The following SLC28A3 variants were observed in gnomAD, a reference collection of about 807,000 sequenced individuals.
SLC28A3 encodes the protein solute carrier family 28 member 3.
SLC28A3 carries 68 observed loss-of-function variants against 84.2 expected under a neutral mutation model. The ratio of observed to expected loss-of-function variants is 0.81; its 90% confidence interval spans 0.66 to 0.99. The LOEUF (loss-of-function observed/expected upper bound fraction) is 0.99. Among genes scored for constraint, SLC28A3 ranks in the 50% least tolerant of loss-of-function variants. The pLI is 0.00. For synonymous variants in SLC28A3, 267 were observed against 303.6 expected, an observed-to-expected ratio of 0.88 and a Z score of 1.25; for missense variants, 712 against 841.5, an observed-to-expected ratio of 0.85 and a Z score of 1.90.
intron 1 of SLC28A3, among the ~76,000 whole-genome samples, chr9:84,336,132 A>G: frequency 6.6e-6 from 1 of 152,096 alleles, no homozygotes; most frequent in East Asian, 1.9e-4. Context: ...TGGAAGGCTG[A>G]AGCAGGCAGA....
rs113713520 is a variant in SLC28A3 at position 84,328,299 on chromosome 9, T to A, written c.60+12275A>T. ...AGGCAGAGATTTGAAGAACGGATTT[T>A]AAAAACCCATGATCTGAAAATAAAA... On this transcript the variant is annotated intron_variant, in intron 1 of 17. Transcript: ENST00000376238. Among the ~76,000 whole-genome samples, 425 of 149,558 alleles carry A rather than the reference T, an allele frequency of 2.8e-3. 3 individuals are homozygous for A. The highest frequency in any genetic ancestry group is 9.9e-3 in the African/African-American group (401 of 40,644).
At chr9:84,317,947 T>C (rs1826230010) in intron 1 of SLC28A3, among the ~76,000 whole-genome samples, 1 of 152,226 alleles carries the variant, frequency 6.6e-6, no homozygotes, top group South Asian at 2.1e-4. Context: ...ATACCCCACT[T>C]CAACTCTTTT....
Position 84,298,023 on chromosome 9 carries a change from T to G in SLC28A3, c.670-4A>C. Reference sequence around the variant, plus strand: ...ATAAGACAGGTCTCCAGTAAACCTATACAGAAAGATCAAGTGATATGTCTT... The same window carrying G: ...ATAAGACAGGTCTCCAGTAAACCTAGACAGAAAGATCAAGTGATATGTCTT... On this transcript the variant is annotated splice_region_variant and splice_polypyrimidine_tract_variant and intron_variant, in intron 6 of 17. Coordinates refer to ENST00000376238, the MANE Select transcript of SLC28A3 (RefSeq NM_001199633.2). 6.2e-7 allele frequency: 1 copy of G among 1,604,016 alleles called. No homozygotes were observed. The highest frequency in any genetic ancestry group is 1.1e-5 in the South Asian group (1 of 88,976).
At chr9:84,304,891 G>T (rs1014707554) in intron 4 of SLC28A3, among the ~76,000 whole-genome samples, 6 of 152,114 alleles carry the variant, frequency 3.9e-5, no homozygotes, top group Non-Finnish European at 8.8e-5. Context: ...GTGTGGTGAC[G>T]TGTGCCTGTA....
chr9:84,315,180 G>A lies in SLC28A3; in HGVS notation c.61-1726C>T, dbSNP rs74305425. Among the ~76,000 whole-genome samples the A allele has an allele frequency of 6.4e-4, 97 of 152,304 alleles. 2 individuals are homozygous for A. The East Asian group carries it at 0.015, about 24-fold the overall frequency. The stretch of plus-strand genomic sequence containing the variant: ...TGAAGTTGGCTGACAGGTACCCGGA[G>A]AATCATTTTATTATTCTCCTACTTT... On this transcript the variant is annotated intron_variant, in intron 1 of 17. Coordinates refer to ENST00000376238, the MANE Select transcript of SLC28A3 (RefSeq NM_001199633.2).
At chr9:84,359,490 C>G in the SLC28A3 span, among the ~76,000 whole-genome samples, 2 of 152,160 alleles carry the variant, frequency 1.3e-5, no homozygotes, top group African/African-American at 4.8e-5. Flanking sequence ...TCTGTAAGAA[C>G]TGACACAAAA....
the SLC28A3 span, among the ~76,000 whole-genome samples, chr9:84,364,375 C>T: frequency 2.6e-5 from 4 of 152,112 alleles, no homozygotes; most frequent in Admixed American, 6.6e-5. Context: ...GGATTACAGG[C>T]ATGAGTCACC....
chr9:84,282,895 AG>A (rs1397674097), intron 14 of SLC28A3, among the ~76,000 whole-genome samples: 1 of 152,204 alleles, frequency 6.6e-6, no homozygotes, highest in Non-Finnish European at 1.5e-5. Context: ...ATGGTTTCTG[AG>A]AACTCTCCTT....
chr9:84,319,949 C>T (rs1461200367), intron 1 of SLC28A3, among the ~76,000 whole-genome samples: 2 of 151,788 alleles, frequency 1.3e-5, no homozygotes, highest in African/African-American at 4.9e-5. Context: ...TTTTATTGCC[C>T]TGCAGCCAAA....
chr9:84,313,361 G>C lies in SLC28A3; in HGVS notation c.154C>G (p.Gln52Glu). The C allele has an allele frequency of 6.2e-7, 1 of 1,613,950 alleles. No individual in the cohort carries two copies. The highest frequency in any genetic ancestry group is 8.5e-7 in the Non-Finnish European group (1 of 1,179,900). The change falls in exon 2 of 18, where the codon CAG becomes GAG. Residue 52 changes from glutamine (Q) to glutamate (E), a missense_variant and splice_region_variant. By Grantham distance (29) the Gln-to-Glu change is conservative. Transcript: ENST00000376238. ...VQSREHTNTKQDEEQVTVEQD... is the reference protein window; with the variant it reads ...VQSREHTNTKEDEEQVTVEQD... ...CATGCACCACAGTCTTGCTGTACCT[G>C]TTTGGTGTTTGTGTGCTCCCTGCTT...
At chr9:84,346,310 A>G in the SLC28A3 span, among the ~76,000 whole-genome samples, 41 of 110,052 alleles carry the variant, frequency 3.7e-4, no homozygotes, top group African/African-American at 1.4e-3. Context: ...AGGAAAAATA[A>G]GTAATTACAT....
Position 84,292,655 on chromosome 9 carries a change from T to A in SLC28A3, c.1023+13A>T. 6.3e-7 allele frequency: 1 copy of A among 1,595,554 alleles called. No individual in the cohort carries two copies. The highest frequency in any genetic ancestry group is 8.6e-7 in the Non-Finnish European group (1 of 1,167,328). ...TTCAACAGATGTTTTGTTCTGTTGA[T>A]ATTACAACTTACTTGTCCAACAAAT... On this transcript the variant is annotated intron_variant, in intron 10 of 17. Coordinates refer to ENST00000376238, the MANE Select transcript of SLC28A3 (RefSeq NM_001199633.2).
At chr9:84,353,062 T>TC in the SLC28A3 span, among the ~76,000 whole-genome samples, 2 of 152,110 alleles carry the variant, frequency 1.3e-5, no homozygotes, top group African/African-American at 4.8e-5. Flanking sequence ...CATTATCAGG[T>TC]CAAGCCATTG....
At chr9:84,312,017 T>C (rs1479885453) in intron 2 of SLC28A3, among the ~76,000 whole-genome samples, 1 of 152,252 alleles carries the variant, frequency 6.6e-6, no homozygotes, top group African/African-American at 2.4e-5. Context: ...CCCAGTAATG[T>C]ACATTTAAGG....
rs1564142972 is a variant in SLC28A3, at chr9:84,280,058, G to A, written c.1745C>T (p.Ser582Phe). ...VIGGLTSMAPSRKRDIASGAV... is the reference protein window; with the variant it reads ...VIGGLTSMAPFRKRDIASGAV... ...CCCCGAGGCGATATCACGCTTTCTG[G>A]AAGGAGCCATGGATGCTGGGAAACA... Residue 582 changes from serine to phenylalanine, a missense_variant, in exon 16 of 18, where the codon TCC becomes TTC. Transcript: ENST00000376238. 2 of 1,613,858 alleles carry A rather than the reference G, an allele frequency of 1.2e-6. No individual in the cohort carries two copies. Among genetic ancestry groups the A allele is most frequent in the Non-Finnish European group, 1.7e-6 (2 of 1,179,948 alleles).
intron 14 of SLC28A3, among the ~76,000 whole-genome samples, chr9:84,284,646 G>GA (rs1181048167): frequency 6.6e-6 from 1 of 152,210 alleles, no homozygotes; most frequent in Non-Finnish European, 1.5e-5. Flanking sequence ...CTCCAGGGAA[G>GA]AAAGTTGCAA....
chr9:84,288,178 C>G lies in SLC28A3; in HGVS notation c.1150G>C (p.Val384Leu). Residue 384 changes from valine to leucine, a missense_variant and splice_region_variant, in exon 12 of 18, where the codon GTT becomes CTT. Physicochemically the swap from Val to Leu is conservative, Grantham distance 32. Transcript: ENST00000376238. ...SVLGAYISFG[V>L]PSSHLLTASV... ...GCTGTTAACAAGTGGGAGGATGGAA[C>G]CTGCAATTTCAGAAGAAAGAAGGCA... 1 of 1,613,862 alleles carries G rather than the reference C, an allele frequency of 6.2e-7. No individual in the cohort carries two copies. Among genetic ancestry groups the G allele is most frequent in the Non-Finnish European group, 8.5e-7 (1 of 1,179,850 alleles).
intron 13 of SLC28A3, 70 bp downstream of exon 13, chr9:84,285,873 A>G: frequency 6.6e-7 from 1 of 1,514,098 alleles, no homozygotes; most frequent in South Asian, 1.3e-5. Context: ...GGCTGTTTAC[A>G]AACCTATTTT....
chr9:84,290,995 G>A (rs965708091), intron 10 of SLC28A3, among the ~76,000 whole-genome samples: 1 of 152,188 alleles, frequency 6.6e-6, no homozygotes, highest in Non-Finnish European at 1.5e-5. Flanking sequence ...AAGGAGGACA[G>A]GCAGCCTGCG....
Sources: allele counts gnomAD v4.1 joint callset (sites outside exome capture counted in the v4.1 genomes callset), GRCh38; gene constraint gnomAD v4.1.1; transcripts MANE v1.5; gene names NCBI Gene and HGNC (gene_info 2026-07-23, HGNC 2026-07-21).